The following LRMDA variants were observed in gnomAD, a reference collection of about 807,000 sequenced individuals.
LRMDA encodes the protein leucine rich melanocyte differentiation associated, also known as leucine-rich melanocyte differentiation-associated protein.
Under a neutral mutation model 29.8 loss-of-function variants are expected in LRMDA, and 18 were observed. That is an observed-to-expected ratio of 0.60 (90% confidence interval 0.42 to 0.90). The LOEUF (loss-of-function observed/expected upper bound fraction) is 0.90, where lower values mean the gene tolerates loss of function less well. LRMDA is among the 40% of genes least tolerant of loss of function. The pLI is 0.00. For synonymous variants in LRMDA, 125 were observed against 109.4 expected, an observed-to-expected ratio of 1.14 and a Z score of -0.89; for missense variants, 273 against 273.9, an observed-to-expected ratio of 1.00 and a Z score of 0.02.
At chr10:75,650,539 G>A (rs568172276) in intron 2 of LRMDA, among the ~76,000 whole-genome samples, 28 of 151,642 alleles carry the variant, frequency 1.8e-4, no homozygotes, top group Middle Eastern at 3.4e-3. Context: ...CATTTAGACC[G>A]CTAGATAGGA....
At chr10:75,490,938 A>G (rs1844979609) in intron 2 of LRMDA, among the ~76,000 whole-genome samples, 1 of 152,168 alleles carries the variant, frequency 6.6e-6, no homozygotes, top group Admixed American at 6.5e-5. Context: ...TCCTTGTATC[A>G]GGAGTACAAT....
intron 6 of LRMDA, among the ~76,000 whole-genome samples, chr10:76,529,794 G>T (rs1843214986): frequency 6.6e-6 from 1 of 152,082 alleles, no homozygotes; most frequent in Non-Finnish European, 1.5e-5. Context: ...AGAAAAACTT[G>T]CCAGTTATTT....
chr10:76,087,191 C>T (rs935738486), intron 5 of LRMDA, among the ~76,000 whole-genome samples: 2 of 152,078 alleles, frequency 1.3e-5, no homozygotes, highest in Non-Finnish European at 1.5e-5. Flanking sequence ...GGGGTAGTCT[C>T]GTTGTAGCAG....
At chr10:75,652,849 A>G (rs1228406106) in intron 2 of LRMDA, among the ~76,000 whole-genome samples, 2 of 152,334 alleles carry the variant, frequency 1.3e-5, no homozygotes, top group African/African-American at 2.4e-5. Context: ...ATATGTTGAT[A>G]TAGAATTTTG....
rs151220885 is a variant in LRMDA, at chr10:75,610,965, A to G, written c.131+172471A>G. Reference sequence around the variant, plus strand: ...CTTAATGTGTGTGGAGTAATGAACTATTCTGCTGAGGGGAGGTGGACTTGG... The same window carrying G: ...CTTAATGTGTGTGGAGTAATGAACTGTTCTGCTGAGGGGAGGTGGACTTGG... On this transcript the variant is annotated intron_variant, in intron 2 of 6. Transcript: ENST00000611255. 4.8e-3 allele frequency among the ~76,000 whole-genome samples: 731 copies of G among 152,260 alleles called. 6 individuals carry two copies. The highest frequency in any genetic ancestry group is 0.017 in the African/African-American group (698 of 41,540).
chr10:75,931,230 G>A (rs571568783), intron 2 of LRMDA, among the ~76,000 whole-genome samples: 1 of 152,298 alleles, frequency 6.6e-6, no homozygotes, highest in South Asian at 2.1e-4. Flanking sequence ...TGGGCATTGT[G>A]AATAGGGACA....
chr10:75,756,537 T>C (rs1286561259), intron 2 of LRMDA, among the ~76,000 whole-genome samples: 1 of 152,230 alleles, frequency 6.6e-6, no homozygotes, highest in East Asian at 1.9e-4. Context: ...CGACCATTGA[T>C]ATTTTAGTGT....
chr10:75,644,357 A>G (rs940855907), intron 2 of LRMDA, among the ~76,000 whole-genome samples: 10 of 152,202 alleles, frequency 6.6e-5, no homozygotes, highest in African/African-American at 2.2e-4. Context: ...GTTTACAGGC[A>G]CTGGCCCTTC....
At chr10:75,581,021 T>C (rs775133229) in intron 2 of LRMDA, among the ~76,000 whole-genome samples, 10 of 152,152 alleles carry the variant, frequency 6.6e-5, no homozygotes, top group Non-Finnish European at 1.3e-4. Context: ...AAAGACTTAA[T>C]GACTAAAACA....
At chr10:76,011,742 A>G (rs1318914203) in intron 2 of LRMDA, among the ~76,000 whole-genome samples, 1 of 152,184 alleles carries the variant, frequency 6.6e-6, no homozygotes, top group East Asian at 1.9e-4. Flanking sequence ...GAGTGGTGGC[A>G]TCTTAAAGAG....
chr10:75,625,166 T>A (rs1841235373), intron 2 of LRMDA, among the ~76,000 whole-genome samples: 1 of 152,218 alleles, frequency 6.6e-6, no homozygotes, highest in Non-Finnish European at 1.5e-5. Context: ...GGGAAGGACC[T>A]TCCTGATGGT....
intron 2 of LRMDA, among the ~76,000 whole-genome samples, chr10:76,007,251 C>CT (rs1465211119): frequency 1.3e-5 from 2 of 151,950 alleles, no homozygotes; most frequent in African/African-American, 4.8e-5. Context: ...GTCACCCTTC[C>CT]CTTGGCCCCT....
chr10:75,654,709 TAAAAG>T (rs1459805591), intron 2 of LRMDA, among the ~76,000 whole-genome samples: 1 of 152,164 alleles, frequency 6.6e-6, no homozygotes, highest in Non-Finnish European at 1.5e-5. Context: ...TAATGCAACT[TAAAAG>T]AAAGTTTGAC....
intron 6 of LRMDA, among the ~76,000 whole-genome samples, chr10:76,358,607 G>T (rs1841271037): frequency 1.3e-5 from 2 of 152,202 alleles, no homozygotes; most frequent in African/African-American, 2.4e-5. Flanking sequence ...ATGGCTAAGG[G>T]TTGGGGTACA....
At chr10:76,457,246 C>T (rs368381258) in intron 6 of LRMDA, among the ~76,000 whole-genome samples, 3 of 152,282 alleles carry the variant, frequency 2.0e-5, no homozygotes, top group East Asian at 1.9e-4. Flanking sequence ...GGACAAGTAA[C>T]GTATAGTTGA....
At chr10:75,759,842 A>G (rs1843074038) in intron 2 of LRMDA, among the ~76,000 whole-genome samples, 15 of 152,242 alleles carry the variant, frequency 9.9e-5, no homozygotes, top group Admixed American at 9.8e-4. Context: ...GAAGTCTAAC[A>G]TTAAGGAAAT....
chr10:76,449,471 A>G (rs1246424592), intron 6 of LRMDA, among the ~76,000 whole-genome samples: 1 of 151,894 alleles, frequency 6.6e-6, no homozygotes, highest in Non-Finnish European at 1.5e-5. Flanking sequence ...TTTCTCGTAT[A>G]CTATTGTTTC....
intron 2 of LRMDA, among the ~76,000 whole-genome samples, chr10:75,790,513 C>G (rs954413580): frequency 3.3e-5 from 5 of 152,146 alleles, no homozygotes; most frequent in Admixed American, 2.0e-4. Context: ...GATCTGAGTC[C>G]AAATGTGATG....
intron 5 of LRMDA, among the ~76,000 whole-genome samples, chr10:76,064,345 A>C (rs1848750021): frequency 6.6e-6 from 1 of 152,118 alleles, no homozygotes; most frequent in East Asian, 1.9e-4. Context: ...TCTCCTCGTC[A>C]CTCGGGGTGG....
Sources: gnomAD v4.1 joint callset for allele counts (sites outside exome capture counted in the v4.1 genomes callset) on GRCh38, gnomAD v4.1.1 for gene constraint, MANE v1.5 for transcripts, NCBI Gene and HGNC (gene_info 2026-07-23, HGNC 2026-07-21) for gene names.